Variants in APBA1 observed in about 807,000 individuals in gnomAD.
The protein encoded by APBA1 is amyloid-beta A4 precursor protein-binding family A member 1.
Under a neutral mutation model 86.6 loss-of-function variants are expected in APBA1, and 55 were observed. That is an observed-to-expected ratio of 0.64 (90% CI 0.51 to 0.80). The LOEUF (loss-of-function observed/expected upper bound fraction) is 0.80, where lower values mean the gene tolerates loss of function less well. Among genes scored for constraint, APBA1 ranks in the 30% least tolerant of loss-of-function variants. APBA1 has a pLI of 0.00. For synonymous variants in APBA1, 511 were observed against 493.9 expected, an observed-to-expected ratio of 1.03 and a Z score of -0.46; for missense variants, 1,090 against 1,183.0, an observed-to-expected ratio of 0.92 and a Z score of 1.15.
At chr9:69,518,671 A>G (rs1043326807) in intron 1 of APBA1, among the ~76,000 whole-genome samples, 4 of 152,186 alleles carry the variant, frequency 2.6e-5, no homozygotes, top group Admixed American at 6.5e-5. Context: ...AGTATGTGTA[A>G]ACTTGCTATT....
intron 1 of APBA1, among the ~76,000 whole-genome samples, chr9:69,597,925 C>T (rs1283199867): frequency 6.6e-6 from 1 of 152,028 alleles, no homozygotes; most frequent in Non-Finnish European, 1.5e-5. Flanking sequence ...CCAGCCATCC[C>T]ATTACTGGGT....
intron 1 of APBA1, among the ~76,000 whole-genome samples, chr9:69,596,747 AT>A (rs1277936913): frequency 6.6e-6 from 1 of 152,206 alleles, no homozygotes; most frequent in African/African-American, 2.4e-5. Flanking sequence ...AATTCTATAC[AT>A]CTAGAAGCAG....
rs576210960 is a variant in APBA1 at position 69,657,021 on chromosome 9, A to G, written c.-70+15132T>C. On this transcript the variant is annotated intron_variant, in intron 1 of 12. Coordinates refer to ENST00000265381, the MANE Select transcript of APBA1 (RefSeq NM_001163.4). ...CCACCGCGCCCGGCTAATTTTTTGTATTTTTAGTAGAGACGGGGTTTCACC... is the reference window on the plus strand; with the variant it reads ...CCACCGCGCCCGGCTAATTTTTTGTGTTTTTAGTAGAGACGGGGTTTCACC... Among the ~76,000 whole-genome samples, 37 of 151,844 alleles carry G rather than the reference A, an allele frequency of 2.4e-4. No individual in the cohort carries two copies. In the East Asian group the frequency reaches 4.7e-3, roughly 19 times the overall value.
intron 1 of APBA1, among the ~76,000 whole-genome samples, chr9:69,662,338 G>A (rs957024622): frequency 6.6e-6 from 1 of 152,176 alleles, no homozygotes; most frequent in Non-Finnish European, 1.5e-5. Flanking sequence ...AGTTAGCTGT[G>A]TACAGTACTT....
chr9:69,597,779 G>T (rs149065489), intron 1 of APBA1, among the ~76,000 whole-genome samples: 1 of 152,006 alleles, frequency 6.6e-6, no homozygotes, highest in African/African-American at 2.4e-5. Context: ...AATCCTTTCC[G>T]CATTGCTTGT....
At chr9:69,557,093 A>T (rs1836874845) in intron 1 of APBA1, among the ~76,000 whole-genome samples, 1 of 152,230 alleles carries the variant, frequency 6.6e-6, no homozygotes, top group East Asian at 1.9e-4. Context: ...TATACACCAA[A>T]TCTAGAATAT....
chr9:69,608,413 G>A (rs1231317805), intron 1 of APBA1, among the ~76,000 whole-genome samples: 1 of 152,182 alleles, frequency 6.6e-6, no homozygotes, highest in Non-Finnish European at 1.5e-5. Context: ...AGGAAAGGGG[G>A]AGTAGGTGAA....
intron 1 of APBA1, among the ~76,000 whole-genome samples, chr9:69,599,908 C>A (rs540211320): frequency 6.6e-6 from 1 of 152,296 alleles, no homozygotes; most frequent in South Asian, 2.1e-4. Context: ...GGGCTTCATG[C>A]GTTTTTACAA....
chr9:69,511,799 CATT>C (rs1333661900), intron 2 of APBA1, among the ~76,000 whole-genome samples: 3 of 151,906 alleles, frequency 2.0e-5, no homozygotes, highest in Non-Finnish European at 4.4e-5. Flanking sequence ...TGGAAATCAT[CATT>C]CTCAGTAAAC....
intron 1 of APBA1, among the ~76,000 whole-genome samples, chr9:69,600,170 T>G (rs1032001754): frequency 1.3e-5 from 2 of 152,104 alleles, no homozygotes; most frequent in Non-Finnish European, 2.9e-5. Context: ...TTAACTCCCC[T>G]CTCTCTGCCT....
chr9:69,596,027 A>T (rs1822221753), intron 1 of APBA1, among the ~76,000 whole-genome samples: 1 of 152,120 alleles, frequency 6.6e-6, no homozygotes, highest in Non-Finnish European at 1.5e-5. Context: ...TAGTTCTGTC[A>T]TCCAGGCTGG....
intron 1 of APBA1, among the ~76,000 whole-genome samples, chr9:69,615,448 C>T (rs889003534): frequency 6.6e-6 from 1 of 152,126 alleles, no homozygotes; most frequent in Non-Finnish European, 1.5e-5. Flanking sequence ...AAGGCTTTGA[C>T]TGGAATATCA....
chr9:69,458,077 G>A (rs368573613), intron 6 of APBA1, 79 bp downstream of exon 6: 30 of 1,404,696 alleles, frequency 2.1e-5, no homozygotes, highest in Admixed American at 4.8e-5. Flanking sequence ...ACAAAAACAC[G>A]AAAATATAAA....
rs1022474962 is a variant in APBA1 at position 69,430,201 on chromosome 9, G to A, written c.*1126C>T. 6.6e-6 allele frequency: 1 copy of A among 152,268 alleles called. No homozygotes were observed. Among genetic ancestry groups the A allele is most frequent in the African/African-American group, 2.4e-5 (1 of 41,464 alleles). 9.4% of individuals were successfully genotyped at this position (152,268 alleles called of 1,614,324 possible). A position where few individuals can be genotyped will look rare whatever the true frequency, so the allele number is the denominator to read the frequency against. Reference sequence around the variant, plus strand: ...CCGCCTAGTGGCCCTGAGCAGAGAAGAAAGTTGGTCTTGCCTTGGGCCAGA... The same window carrying A: ...CCGCCTAGTGGCCCTGAGCAGAGAAAAAAGTTGGTCTTGCCTTGGGCCAGA... On this transcript the variant is annotated 3_prime_UTR_variant, in exon 13 of 13. Coordinates refer to ENST00000265381, the MANE Select transcript of APBA1 (RefSeq NM_001163.4).
chr9:69,435,002 G>A (rs1243988367), intron 11 of APBA1, among the ~76,000 whole-genome samples: 1 of 133,802 alleles, frequency 7.5e-6, no homozygotes, highest in East Asian at 2.2e-4. Context: ...GTGTCCATGT[G>A]TTCTCATTGT....
intron 1 of APBA1, among the ~76,000 whole-genome samples, chr9:69,550,618 A>C (rs191556197): frequency 7.7e-4 from 117 of 152,362 alleles, no homozygotes; most frequent in African/African-American, 2.8e-3. Context: ...GAGGGATATA[A>C]AGTGAATAAA....
intron 2 of APBA1, among the ~76,000 whole-genome samples, chr9:69,491,520 G>C (rs1835710172): frequency 6.6e-6 from 1 of 151,694 alleles, no homozygotes; most frequent in Admixed American, 6.6e-5. Context: ...GAGTTAATGG[G>C]TGCAGCACAC....
intron 1 of APBA1, among the ~76,000 whole-genome samples, chr9:69,553,501 C>T (rs541265259): frequency 6.6e-6 from 1 of 152,246 alleles, no homozygotes; most frequent in Admixed American, 6.5e-5. Flanking sequence ...TTTATTAACT[C>T]AATATAATGA....
At chr9:69,475,594 G>T (rs1207243494) in intron 3 of APBA1, among the ~76,000 whole-genome samples, 1 of 152,180 alleles carries the variant, frequency 6.6e-6, no homozygotes, top group African/African-American at 2.4e-5. Context: ...ATCTCATTTG[G>T]GCCTGAAATA....
Sources: gnomAD v4.1 joint callset for allele counts (sites outside exome capture counted in the v4.1 genomes callset) on GRCh38, gnomAD v4.1.1 for gene constraint, MANE v1.5 for transcripts, NCBI Gene and HGNC (gene_info 2026-07-23, HGNC 2026-07-21) for gene names.